The following ZNF331 variants were observed in gnomAD, a reference collection of about 807,000 sequenced individuals.
ZNF331 encodes C2H2-like zinc finger protein rearranged in thyroid adenomas.
In ZNF331, 2 loss-of-function variants were observed where a neutral mutation model predicts 7.0. The observed-to-expected ratio is 0.29, with a 90% CI of 0.12 to 0.90. ZNF331 has a LOEUF of 0.90. ZNF331 is among the 40% of genes least tolerant of loss of function. The probability of loss-of-function intolerance (pLI) is 0.58; values close to 1 mark genes in which losing one functional copy is unlikely to be tolerated. For missense variants in ZNF331, 432 were observed against 587.7 expected, an observed-to-expected ratio of 0.74 and a Z score of 2.74; for synonymous variants, 196 against 205.4, an observed-to-expected ratio of 0.95 and a Z score of 0.39.
chr19:53,570,860 T>TTC (rs1267319525), intron 4 of ZNF331, among the ~76,000 whole-genome samples: 1 of 147,440 alleles, frequency 6.8e-6, no homozygotes, highest in African/African-American at 2.5e-5. Context: ...TTTCTTTTCT[T>TTC]TTCTTTTTTT....
intron 2 of ZNF331, among the ~76,000 whole-genome samples, chr19:53,551,208 T>G (rs2147419509): frequency 6.6e-6 from 1 of 152,282 alleles, no homozygotes; most frequent in Non-Finnish European, 1.5e-5. Flanking sequence ...GCAAAAAAAT[T>G]CAGTCCTCTA....
At position 53,578,139 on chromosome 19, in the gene ZNF331, G is replaced by C. The variant is rs1195260660; in HGVS notation, c.*187G>C. ...TCTCGCTGTCCGGCTCCAGCCGGCC[G>C]GGGATGTGAGTCATCCCTTGGTCCA... On this transcript the variant is annotated 3_prime_UTR_variant, in exon 6 of 6. Transcript: ENST00000449416. 6 of 747,672 alleles carry C rather than the reference G, an allele frequency of 8.0e-6. No homozygotes were observed. The highest frequency in any genetic ancestry group is 1.2e-5 in the Non-Finnish European group (6 of 482,816). 46.3% of individuals were successfully genotyped at this position (747,672 alleles called of 1,614,324 possible).
At chr19:53,520,450 C>T (rs146321385), upstream of ZNF331, among the ~76,000 whole-genome samples, 1,928 of 152,296 alleles carry the variant, frequency 0.013, 19 homozygotes, top group Non-Finnish European at 0.019. Context: ...AGAGCCTGAA[C>T]CACTTTTCCC....
At position 53,526,376 on chromosome 19, in the gene ZNF331, A is replaced by G. The variant is rs182409974; in HGVS notation, c.-205+3692A>G. Among the ~76,000 whole-genome samples, 25 of 152,292 alleles carry G rather than the reference A, an allele frequency of 1.6e-4. No homozygotes were observed. The East Asian group carries it at 4.6e-3, about 28-fold the overall frequency. On this transcript the variant is annotated intron_variant, in intron 2 of 6. Transcript: ENST00000253144. Reference sequence around the variant, plus strand: ...CTTCGAATGTTTGGTAGAATTCAGCAGTGAGGGCATCAGGTTCTGGTCTTT... The same window carrying G: ...CTTCGAATGTTTGGTAGAATTCAGCGGTGAGGGCATCAGGTTCTGGTCTTT...
the ZNF331 span, among the ~76,000 whole-genome samples, chr19:53,506,444 G>GTCTCTCTCTCTCTCTCTCTC: frequency 1.2e-5 from 1 of 86,260 alleles, no homozygotes; most frequent in African/African-American, 5.0e-5. Context: ...CTCTCTCTCT[G>GTCTCTCTCTCTCTCTCTCTC]TCTCTCTCTC....
At chr19:53,559,928 TACAC>T (rs2089752191) in intron 3 of ZNF331, among the ~76,000 whole-genome samples, 2 of 147,584 alleles carry the variant, frequency 1.4e-5, no homozygotes, top group South Asian at 4.4e-4. Context: ...ACCCACACCA[TACAC>T]ACATACATAC....
upstream of ZNF331, among the ~76,000 whole-genome samples, chr19:53,518,385 C>T (rs530214530): frequency 6.6e-6 from 1 of 152,310 alleles, no homozygotes; most frequent in South Asian, 2.1e-4. Flanking sequence ...TGAGCCACTA[C>T]TGGCTTCTTT....
chr19:53,518,988 T>G (rs2569581), upstream of ZNF331, among the ~76,000 whole-genome samples: 53,341 of 152,122 alleles, frequency 0.35, 9,627 homozygotes, highest in Middle Eastern at 0.42. Context: ...GATGCAGTCT[T>G]TATTATTTAT....
the ZNF331 span, among the ~76,000 whole-genome samples, chr19:53,506,400 A>ACT: frequency 3.8e-5 from 4 of 105,568 alleles, no homozygotes; most frequent in Admixed American, 2.9e-4. Context: ...CCACATACAC[A>ACT]CTCTCTCTCT....
intron 2 of ZNF331, among the ~76,000 whole-genome samples, chr19:53,545,348 C>A (rs560264605): frequency 6.6e-6 from 1 of 152,212 alleles, no homozygotes; most frequent in Admixed American, 6.5e-5. Flanking sequence ...GCGTGACTAA[C>A]GGGGCATAAC....
intron 2 of ZNF331, among the ~76,000 whole-genome samples, chr19:53,540,614 G>T (rs1055306406): frequency 6.6e-6 from 1 of 152,014 alleles, no homozygotes; most frequent in African/African-American, 2.4e-5. Flanking sequence ...TGTATTTTTA[G>T]TGGAAACAGG....
intron 2 of ZNF331, among the ~76,000 whole-genome samples, chr19:53,544,245 A>G (rs1043525006): frequency 5.0e-4 from 73 of 146,898 alleles, no homozygotes; most frequent in Non-Finnish European, 7.8e-4. Flanking sequence ...AAAATTCTCA[A>G]TAAGAATCGA....
At chr19:53,524,762 A>G (rs1462967237) in intron 2 of ZNF331, among the ~76,000 whole-genome samples, 1 of 152,046 alleles carries the variant, frequency 6.6e-6, no homozygotes, top group African/African-American at 2.4e-5. Flanking sequence ...GAAGCTCTTT[A>G]GTTTAATTAG....
At chr19:53,544,798 A>AATTTAACCCATCC (rs2088481139) in intron 2 of ZNF331, among the ~76,000 whole-genome samples, 1 of 151,736 alleles carries the variant, frequency 6.6e-6, no homozygotes, top group African/African-American at 2.4e-5. Context: ...CAGTGGCACA[A>AATTTAACCCATCC]TCTCAGCTCA....
intron 4 of ZNF331, among the ~76,000 whole-genome samples, chr19:53,570,044 T>C (rs532037301): frequency 6.6e-6 from 1 of 152,128 alleles, no homozygotes; most frequent in East Asian, 1.9e-4. Context: ...TCACTTGTGG[T>C]CAGGAGTTCA....
At position 53,577,390 on chromosome 19, in the gene ZNF331, G is replaced by A; in HGVS notation, c.830G>A (p.Gly277Glu). 6.2e-7 allele frequency: 1 copy of A among 1,614,190 alleles called. No homozygotes were observed. The highest frequency in any genetic ancestry group is 8.5e-7 in the Non-Finnish European group (1 of 1,180,034). Reference sequence around the variant, plus strand: ...AAGCCTTACGAGTGTAAAGACTGTGGGAAGGCTTTTATTTGTGGTTCAAGC... The same window carrying A: ...AAGCCTTACGAGTGTAAAGACTGTGAGAAGGCTTTTATTTGTGGTTCAAGC... ...GEKPYECKDCGKAFICGSSLI... is the reference protein window; with the variant it reads ...GEKPYECKDCEKAFICGSSLI... The change falls in exon 6 of 6, where the codon GGG (glycine) becomes GAG (glutamate). Residue 277 changes from glycine (G) to glutamate (E), a missense_variant. Physicochemically the swap from Gly to Glu is moderately conservative, Grantham distance 98 (BLOSUM62 -2). Around this residue, in one of 3 missense-constraint regions of ZNF331, gnomAD observed 312 missense variants for 448.6 expected, o/e 0.70. Coordinates refer to ENST00000449416, the MANE Select transcript of ZNF331 (RefSeq NM_001079906.2).
At chr19:53,510,431 CTTTTTTT>C in the ZNF331 span, among the ~76,000 whole-genome samples, 5 of 137,936 alleles carry the variant, frequency 3.6e-5, no homozygotes, top group African/African-American at 1.1e-4. Context: ...GAAACTTGAA[CTTTTTTT>C]TTTTTTTTTT....
exon 1 of ZNF331, chr19:53,522,075 GAAGA>G: frequency 6.6e-6 from 1 of 152,258 alleles, no homozygotes; most frequent in Middle Eastern, 3.4e-3. Flanking sequence ...TCCTTTTGGG[GAAGA>G]AAGAGGTACC....
intron 2 of ZNF331, among the ~76,000 whole-genome samples, chr19:53,526,241 G>A (rs757286489): frequency 9.2e-5 from 14 of 152,100 alleles, no homozygotes; most frequent in Admixed American, 2.6e-4. Context: ...GATTTTTCTT[G>A]TCTTGCAGTG....
Sources: gnomAD v4.1 joint callset for allele counts (sites outside exome capture counted in the v4.1 genomes callset) on GRCh38, gnomAD v4.1.1 for gene constraint, gnomAD v4.1.1 regional missense constraint, MANE v1.5 for transcripts, NCBI Gene and HGNC (gene_info 2026-07-23, HGNC 2026-07-21) for gene names.